PSD3: variants seen among roughly 807,000 people sequenced by gnomAD.
PSD3 encodes the protein pleckstrin and Sec7 domain containing 3, also known as PH and SEC7 domain-containing protein 3.
PSD3 carries 49 observed loss-of-function variants against 105.5 expected under a neutral mutation model. The ratio of observed to expected loss-of-function variants is 0.46; its 90% CI spans 0.37 to 0.59. PSD3 has a LOEUF of 0.59. Among genes scored for constraint, PSD3 ranks in the 20% least tolerant of loss-of-function variants. PSD3 has a pLI of 0.00. For synonymous variants in PSD3, 557 were observed against 457.8 expected (o/e 1.22, Z -2.77); for missense variants, 1,561 against 1,263.8 (o/e 1.24, Z -3.57).
chr8:19,016,629 A>T (rs1261340125), upstream of PSD3, among the ~76,000 whole-genome samples: 3 of 152,190 alleles, frequency 2.0e-5, no homozygotes, highest in Non-Finnish European at 4.4e-5. Context: ...ACTTCCTAAA[A>T]CACTTCAGTA....
intron 12 of PSD3, among the ~76,000 whole-genome samples, chr8:18,586,478 G>C (rs897738918): frequency 6.6e-6 from 1 of 152,170 alleles, no homozygotes; most frequent in Admixed American, 6.6e-5. Context: ...CTTGATGAAA[G>C]GCTTAAAGTA....
intron 4 of PSD3, among the ~76,000 whole-genome samples, chr8:18,828,244 T>C (rs1279399800): frequency 2.0e-5 from 3 of 151,664 alleles, no homozygotes; most frequent in African/African-American, 7.3e-5. Context: ...CTTTCTACTT[T>C]TTCTCCTAAG....
intron 14 of PSD3, among the ~76,000 whole-genome samples, chr8:18,566,219 C>G (rs1015160233): frequency 2.0e-5 from 3 of 152,040 alleles, no homozygotes; most frequent in Non-Finnish European, 4.4e-5. Flanking sequence ...AGAAATAATA[C>G]AGAGCTTTGG....
At chr8:18,655,532 G>T in intron 10 of PSD3, 110 bp downstream of exon 10, 1 of 1,018,430 alleles carries the variant, frequency 9.8e-7, no homozygotes. Context: ...TGTAAAATGA[G>T]AATTGGCAAT....
chr8:18,713,047 C>T (rs1029049407), intron 9 of PSD3, among the ~76,000 whole-genome samples: 5 of 152,056 alleles, frequency 3.3e-5, no homozygotes, highest in South Asian at 2.1e-4. Context: ...GGGATTATCT[C>T]GATAGATACC....
At chr8:18,807,599 T>C (rs1438812366) in intron 4 of PSD3, among the ~76,000 whole-genome samples, 3 of 152,158 alleles carry the variant, frequency 2.0e-5, no homozygotes, top group African/African-American at 4.8e-5. Flanking sequence ...CTAAGTCAAA[T>C]ACCAAACCAC....
intron 4 of PSD3, among the ~76,000 whole-genome samples, chr8:18,830,232 G>A (rs1035499815): frequency 1.3e-5 from 2 of 152,090 alleles, no homozygotes; most frequent in Non-Finnish European, 2.9e-5. Flanking sequence ...GTGAGCCACC[G>A]CACCCAGCCA....
intron 4 of PSD3, among the ~76,000 whole-genome samples, chr8:18,829,443 T>C (rs1009731154): frequency 6.6e-6 from 1 of 152,182 alleles, no homozygotes; most frequent in African/African-American, 2.4e-5. Context: ...GTCATTCCCT[T>C]TATCTAAAAC....
At chr8:18,598,508 T>C (rs1699766150) in intron 12 of PSD3, among the ~76,000 whole-genome samples, 1 of 151,612 alleles carries the variant, frequency 6.6e-6, no homozygotes, top group African/African-American at 2.4e-5. Flanking sequence ...TGAAAATCAG[T>C]CAAAGTGATA....
intron 10 of PSD3, among the ~76,000 whole-genome samples, chr8:18,653,418 A>G (rs1808664943): frequency 6.6e-6 from 1 of 152,184 alleles, no homozygotes; most frequent in Non-Finnish European, 1.5e-5. Context: ...TCAGGCATCA[A>G]TTGAAGAGCA....
chr8:18,914,759 T>C (rs1340381192), intron 2 of PSD3, among the ~76,000 whole-genome samples: 1 of 152,210 alleles, frequency 6.6e-6, no homozygotes, highest in African/African-American at 2.4e-5. Flanking sequence ...ATTGAAAGAA[T>C]TGTTAAAATG....
chr8:18,556,630 A>C (rs772226990), intron 14 of PSD3, among the ~76,000 whole-genome samples: 16 of 152,162 alleles, frequency 1.1e-4, no homozygotes, highest in Non-Finnish European at 2.4e-4. Flanking sequence ...AATGCCCCTG[A>C]GTTGGGACCA....
At chr8:18,630,531 T>C (rs1400611064) in intron 11 of PSD3, among the ~76,000 whole-genome samples, 1 of 151,908 alleles carries the variant, frequency 6.6e-6, no homozygotes, top group African/African-American at 2.4e-5. Flanking sequence ...TGCTAGGAAA[T>C]GAATCAATGA....
intron 9 of PSD3, among the ~76,000 whole-genome samples, chr8:18,668,177 G>A (rs530033718): frequency 2.0e-5 from 3 of 152,350 alleles, no homozygotes; most frequent in South Asian, 2.1e-4. Context: ...GGCCAGAGTG[G>A]GCAGAGAGGC....
intron 11 of PSD3, among the ~76,000 whole-genome samples, chr8:18,606,690 C>G (rs769693239): frequency 4.0e-5 from 6 of 151,840 alleles, no homozygotes; most frequent in Non-Finnish European, 7.4e-5. Flanking sequence ...CAAGGGGAAC[C>G]AGTAAGGAAA....
rs142818282 is a variant in PSD3 at position 18,909,214 on chromosome 8, A to C, written c.130+26820T>G. Among the ~76,000 whole-genome samples the C allele has an allele frequency of 3.3e-5, 5 of 152,350 alleles. No homozygotes were observed. In the South Asian group the frequency reaches 1.0e-3, roughly 32 times the overall value. Reference sequence around the variant, plus strand: ...TTGCTTGGGTTTCCCTAAAACCAACAAACATATTTCTGTAAAATAGCTTGC... The same window carrying C: ...TTGCTTGGGTTTCCCTAAAACCAACCAACATATTTCTGTAAAATAGCTTGC... On this transcript the variant is annotated intron_variant, in intron 2 of 15. Transcript: ENST00000327040.
intron 1 of PSD3, among the ~76,000 whole-genome samples, chr8:19,034,110 T>C (rs192941271): frequency 2.6e-5 from 4 of 152,338 alleles, no homozygotes; most frequent in African/African-American, 9.6e-5. Context: ...AAGGATCTAA[T>C]GGATCTCAGA....
At chr8:18,756,998 T>G (rs1471122093) in intron 9 of PSD3, among the ~76,000 whole-genome samples, 1 of 143,000 alleles carries the variant, frequency 7.0e-6, no homozygotes, top group Non-Finnish European at 1.5e-5. Context: ...CTAACCGCTC[T>G]TAGAGGAAGG....
At chr8:18,971,037 C>T (rs1223942103) in intron 1 of PSD3, among the ~76,000 whole-genome samples, 1 of 151,714 alleles carries the variant, frequency 6.6e-6, no homozygotes, top group Non-Finnish European at 1.5e-5. Context: ...AATTATCCAC[C>T]CCAGGGAATG....
Sources: allele counts gnomAD v4.1 joint callset (sites outside exome capture counted in the v4.1 genomes callset), GRCh38; gene constraint gnomAD v4.1.1; transcripts MANE v1.5; gene names NCBI Gene and HGNC (gene_info 2026-07-23, HGNC 2026-07-21).